Variants in TBC1D19 observed in about 807,000 individuals in gnomAD.
The protein encoded by TBC1D19 is TBC1 domain family member 19.
TBC1D19 carries 60 observed loss-of-function variants against 89.0 expected under a neutral mutation model. The ratio of observed to expected loss-of-function variants is 0.67; its 90% CI spans 0.55 to 0.84. TBC1D19 has a LOEUF of 0.84. TBC1D19 is among the 40% of genes least tolerant of loss of function. The probability of loss-of-function intolerance (pLI) is 0.00; values close to 1 mark genes in which losing one functional copy is unlikely to be tolerated. For synonymous variants in TBC1D19, 189 were observed against 199.7 expected (o/e 0.95, Z 0.45); for missense variants, 500 against 610.8 (o/e 0.82, Z 1.91).
At chr4:26,620,854 A>G (rs1258402030) in intron 4 of TBC1D19, among the ~76,000 whole-genome samples, 166 bp downstream of exon 4, 5 of 152,226 alleles carry the variant, frequency 3.3e-5, no homozygotes, top group Non-Finnish European at 7.3e-5. Flanking sequence ...TTTTATATTC[A>G]GTAACCAAGG....
the TBC1D19 span, among the ~76,000 whole-genome samples, chr4:26,813,819 G>T: frequency 0.26 from 40,039 of 152,064 alleles, 6,031 homozygotes; most frequent in Non-Finnish European, 0.34. Context: ...CCTCATGCCA[G>T]CAGGCTTCCC....
At chr4:26,724,528 A>G (rs985939341) in intron 15 of TBC1D19, among the ~76,000 whole-genome samples, 1 of 152,158 alleles carries the variant, frequency 6.6e-6, no homozygotes, top group Admixed American at 6.5e-5. Flanking sequence ...TTTTATAAAG[A>G]TATTTTTCAT....
chr4:26,632,360 A>T (rs1177743486), intron 4 of TBC1D19, among the ~76,000 whole-genome samples: 1 of 151,042 alleles, frequency 6.6e-6, no homozygotes, highest in Non-Finnish European at 1.5e-5. Context: ...CATATTTTAT[A>T]TGTTATATAT....
intron 17 of TBC1D19, among the ~76,000 whole-genome samples, chr4:26,741,636 T>G (rs896097008): frequency 2.0e-5 from 3 of 151,878 alleles, no homozygotes; most frequent in African/African-American, 7.3e-5. Context: ...TCCTTTTTTT[T>G]TTTTTTATTC....
At chr4:26,762,962 A>G in the TBC1D19 span, among the ~76,000 whole-genome samples, 2 of 152,152 alleles carry the variant, frequency 1.3e-5, no homozygotes, top group Non-Finnish European at 2.9e-5. Context: ...CTGTAAGATA[A>G]TAATGTTGTA....
chr4:26,647,427 T>C (rs972952139), intron 7 of TBC1D19, among the ~76,000 whole-genome samples: 7 of 152,218 alleles, frequency 4.6e-5, no homozygotes, highest in African/African-American at 1.4e-4. Context: ...CTTTGAAATA[T>C]ATCCAGAATA....
At chr4:26,793,677 C>G in the TBC1D19 span, among the ~76,000 whole-genome samples, 1 of 146,898 alleles carries the variant, frequency 6.8e-6, no homozygotes, top group African/African-American at 2.5e-5. Flanking sequence ...GAGCAGAGAT[C>G]GCACCACTGC....
At chr4:26,605,711 A>G (rs1043085382) in intron 1 of TBC1D19, among the ~76,000 whole-genome samples, 2 of 152,086 alleles carry the variant, frequency 1.3e-5, no homozygotes, top group Non-Finnish European at 2.9e-5. Context: ...ACTCTCCAGC[A>G]CCTGTTGTTT....
chr4:26,681,342 A>G (rs1225769664), intron 11 of TBC1D19, among the ~76,000 whole-genome samples: 1 of 151,950 alleles, frequency 6.6e-6, no homozygotes. Context: ...GATGGAGATC[A>G]TCCTGGCTAA....
chr4:26,620,815 T>C (rs1418375252), intron 4 of TBC1D19, 127 bp downstream of exon 4: 2 of 739,728 alleles, frequency 2.7e-6, no homozygotes, highest in African/African-American at 3.6e-5. Context: ...CCACTAAATT[T>C]ATGTTAATAG....
At chr4:26,850,256 G>A in the TBC1D19 span, among the ~76,000 whole-genome samples, 1 of 152,044 alleles carries the variant, frequency 6.6e-6, no homozygotes, top group African/African-American at 2.4e-5. Flanking sequence ...TTAATAAAAT[G>A]GGGAAATTTG....
intron 1 of TBC1D19, among the ~76,000 whole-genome samples, chr4:26,608,152 T>G (rs573649323): frequency 6.6e-6 from 1 of 152,338 alleles, no homozygotes; most frequent in Non-Finnish European, 1.5e-5. Context: ...AAATAAAAAT[T>G]TCCAAGTCTG....
intron 13 of TBC1D19, among the ~76,000 whole-genome samples, chr4:26,716,494 G>A (rs541703213): frequency 4.6e-5 from 7 of 152,228 alleles, no homozygotes; most frequent in Non-Finnish European, 8.8e-5. Context: ...TACATATTTA[G>A]TCATAAGTAA....
Position 26,651,944 on chromosome 4 carries a change from C to T in TBC1D19, c.481-7653C>T, listed in dbSNP as rs935258806. On this transcript the variant is annotated intron_variant, in intron 7 of 20. Coordinates refer to ENST00000264866, the MANE Select transcript of TBC1D19 (RefSeq NM_018317.4). The stretch of plus-strand genomic sequence containing the variant: ...TGAAGTGTTGTTGAATTTTGTCCAA[C>T]GCCTTTTCTGCATCTATTGGGATAA... Among the ~76,000 whole-genome samples, 8 of 152,020 alleles carry T rather than the reference C, an allele frequency of 5.3e-5. No individual in the cohort carries two copies. The South Asian group carries it at 6.2e-4, about 12-fold the overall frequency.
At chr4:26,699,555 C>T (rs1288633849) in intron 13 of TBC1D19, among the ~76,000 whole-genome samples, 1 of 152,120 alleles carries the variant, frequency 6.6e-6, no homozygotes. Flanking sequence ...TATAAAGGGA[C>T]ATGCACACAT....
intron 18 of TBC1D19, among the ~76,000 whole-genome samples, chr4:26,744,902 C>G (rs1718563087): frequency 6.6e-6 from 1 of 152,016 alleles, no homozygotes; most frequent in African/African-American, 2.4e-5. Flanking sequence ...ATGTTCAAAC[C>G]TTGTATACAC....
At chr4:26,619,199 C>A (rs2110029253) in intron 3 of TBC1D19, among the ~76,000 whole-genome samples, 1 of 151,298 alleles carries the variant, frequency 6.6e-6, no homozygotes, top group African/African-American at 2.4e-5. Flanking sequence ...AATTTTAATC[C>A]TAAATTTCTT....
intron 7 of TBC1D19, among the ~76,000 whole-genome samples, chr4:26,641,093 C>T (rs1408143863): frequency 6.6e-6 from 1 of 152,238 alleles, no homozygotes; most frequent in African/African-American, 2.4e-5. Context: ...AGACAGACTG[C>T]CTCCTCAAGT....
intron 4 of TBC1D19, among the ~76,000 whole-genome samples, chr4:26,631,013 C>G (rs750335529): frequency 6.6e-6 from 1 of 152,000 alleles, no homozygotes; most frequent in South Asian, 2.1e-4. Flanking sequence ...AACTGTGGAA[C>G]TGACTCCTTT....
Sources: gnomAD v4.1 joint callset for allele counts (sites outside exome capture counted in the v4.1 genomes callset) on GRCh38, gnomAD v4.1.1 for gene constraint, MANE v1.5 for transcripts, NCBI Gene and HGNC (gene_info 2026-07-23, HGNC 2026-07-21) for gene names.